THNSL2: variants seen among roughly 807,000 people sequenced by gnomAD.
THNSL2 encodes threonine synthase like 2.
THNSL2 carries 34 observed loss-of-function variants against 40.0 expected under a neutral mutation model. That is an observed-to-expected ratio of 0.85 (90% CI 0.65 to 1.13). THNSL2 has a LOEUF of 1.13. THNSL2 is among the 50% of genes most tolerant of loss of function. The pLI is 0.00. For synonymous variants in THNSL2, 241 were observed against 247.5 expected, an observed-to-expected ratio of 0.97 and a Z score of 0.25; for missense variants, 537 against 608.8, an observed-to-expected ratio of 0.88 and a Z score of 1.24.
chr2:88,170,691 C>T (rs1194360233), intron 1 of THNSL2, among the ~76,000 whole-genome samples: 2 of 151,912 alleles, frequency 1.3e-5, no homozygotes, highest in Non-Finnish European at 2.9e-5. Flanking sequence ...TTGAGAACCC[C>T]GAAACTGAAG....
rs778269285 is a variant in THNSL2 at position 88,178,796 on chromosome 2, C to A, written c.585C>A (p.Ser195Arg). 2 of 1,613,984 alleles carry A rather than the reference C, an allele frequency of 1.2e-6. No homozygotes were observed. Among genetic ancestry groups the A allele is most frequent in the Non-Finnish European group, 1.7e-6 (2 of 1,180,030 alleles). The stretch of plus-strand genomic sequence containing the variant: ...CCCCCCTGGCAGTGGAGGGAAACAG[C>A]GATGAGCTCGATGAGCCGATCAAGA... ...NVHVFGVEGN[S>R]DELDEPIKTV... Residue 195 changes from serine to arginine, a missense_variant, in exon 5 of 9, where the codon AGC becomes AGA. By Grantham distance (110) the Ser-to-Arg change is moderately radical. Coordinates refer to ENST00000674334, the MANE Select transcript of THNSL2 (RefSeq NM_018271.5).
rs545602278 is a variant in THNSL2, at chr2:88,173,229, G to A, written c.79G>A (p.Gly27Arg). ...GALFSGYAPDGGLFMPEELPQ... is the reference protein window; with the variant it reads ...GALFSGYAPDRGLFMPEELPQ... The stretch of plus-strand genomic sequence containing the variant: ...CCTCTTCTCTGGCTATGCACCTGAC[G>A]GGGGCCTCTTTATGCCTGAAGAGCT... Residue 27 changes from glycine (G) to arginine (R), a missense_variant, in exon 2 of 9, where the codon GGG becomes AGG. Coordinates refer to ENST00000674334, the MANE Select transcript of THNSL2 (RefSeq NM_018271.5). 2.4e-5 allele frequency: 38 copies of A among 1,610,940 alleles called. No individual in the cohort carries two copies. Among genetic ancestry groups the A allele is most frequent in the South Asian group, 1.2e-4 (11 of 90,886 alleles).
At position 88,182,822 on chromosome 2, in the gene THNSL2, C is replaced by A; in HGVS notation, c.926C>A (p.Thr309Asn). The A allele has an allele frequency of 6.2e-7, 1 of 1,614,116 alleles. No homozygotes were observed. Residue 309 changes from threonine (T) to asparagine (N), a missense_variant, in exon 6 of 9, where the codon ACC becomes AAC. Transcript: ENST00000674334. ...DFSLSEAVKS[T>N]LASAMDIQVP... Reference sequence around the variant, plus strand: ...TCTCTCTCTGAGGCTGTTAAATCAACCTTGGCATCAGCTATGGACATTCAG... The same window carrying A: ...TCTCTCTCTGAGGCTGTTAAATCAAACTTGGCATCAGCTATGGACATTCAG...
Position 88,175,241 on chromosome 2 carries a change from C to A in THNSL2, c.419-8C>A. Reference sequence around the variant, plus strand: ...AAAGGGGGAGAGTTCTCCTTTCTTCCCATCCAGGAACATCTGGGGACACAG... The same window carrying A: ...AAAGGGGGAGAGTTCTCCTTTCTTCACATCCAGGAACATCTGGGGACACAG... On this transcript the variant is annotated splice_polypyrimidine_tract_variant and splice_region_variant and intron_variant, in intron 3 of 8. Transcript: ENST00000674334. The A allele has an allele frequency of 6.2e-7, 1 of 1,612,786 alleles. No individual in the cohort carries two copies. Among genetic ancestry groups the A allele is most frequent in the Non-Finnish European group, 8.5e-7 (1 of 1,179,226 alleles).
In THNSL2 at chr2:88,186,185, C is replaced by A; in HGVS notation, c.*62C>A. 1 of 1,462,240 alleles carries A rather than the reference C, an allele frequency of 6.8e-7. No individual in the cohort carries two copies. Among genetic ancestry groups the A allele is most frequent in the Non-Finnish European group, 9.4e-7 (1 of 1,067,838 alleles). 90.6% of individuals were successfully genotyped at this position (1,462,240 alleles called of 1,614,324 possible). ...CAGGAAGATGCACCTTCTGAGCTGC[C>A]TTGTGCACCCTCCCCATTAAGCGTA... On this transcript the variant is annotated 3_prime_UTR_variant, in exon 9 of 9. Coordinates refer to ENST00000674334, the MANE Select transcript of THNSL2 (RefSeq NM_018271.5).
intron 1 of THNSL2, chr2:88,171,181 C>G: frequency 2.4e-6 from 1 of 417,818 alleles, no homozygotes; most frequent in African/African-American, 2.0e-5. Flanking sequence ...GTTGCTATTT[C>G]CGCCTCTGGC....
chr2:88,175,469 G>A, intron 4 of THNSL2, 68 bp downstream of exon 4: 1 of 1,577,276 alleles, frequency 6.3e-7, no homozygotes. Context: ...TTTGGGAGAT[G>A]GACTGGAACA....
In THNSL2 at chr2:88,186,289, C is replaced by A; in HGVS notation, c.*166C>A. 1 of 695,470 alleles carries A rather than the reference C, an allele frequency of 1.4e-6. No individual in the cohort carries two copies. The highest frequency in any genetic ancestry group is 2.4e-6 in the Non-Finnish European group (1 of 413,128). 43.1% of individuals were successfully genotyped at this position (695,470 alleles called of 1,614,324 possible). Reference sequence around the variant, plus strand: ...GCTCCGTTCCCTGGCTAGTCTGTGCCTGGTCACCAGGGAGGCTGAGTGAGG... The same window carrying A: ...GCTCCGTTCCCTGGCTAGTCTGTGCATGGTCACCAGGGAGGCTGAGTGAGG... On this transcript the variant is annotated 3_prime_UTR_variant, in exon 9 of 9. Coordinates refer to ENST00000674334, the MANE Select transcript of THNSL2 (RefSeq NM_018271.5).
chr2:88,183,091 C>T lies in THNSL2; in HGVS notation c.1077+18C>T, dbSNP rs1290947719. On this transcript the variant is annotated intron_variant, in intron 7 of 8. Coordinates refer to ENST00000674334, the MANE Select transcript of THNSL2 (RefSeq NM_018271.5). The stretch of plus-strand genomic sequence containing the variant: ...ACAGCAAGGTCAGTCACTACCCACA[C>T]ACCACAGAGAAAGGAAAGGGTACAG... 6.2e-7 allele frequency: 1 copy of T among 1,608,754 alleles called. No homozygotes were observed. The highest frequency in any genetic ancestry group is 8.5e-7 in the Non-Finnish European group (1 of 1,176,944).
In THNSL2 at chr2:88,175,349, T is replaced by G. The variant is rs767683223; in HGVS notation, c.519T>G (p.Ile173Met). 3 of 1,614,006 alleles carry G rather than the reference T, an allele frequency of 1.9e-6. No individual in the cohort carries two copies. Among genetic ancestry groups the G allele is most frequent in the African/African-American group, 1.3e-5 (1 of 74,910 alleles). The change falls in exon 4 of 9, where the codon ATT becomes ATG. Residue 173 changes from isoleucine to methionine, a missense_variant. Transcript: ENST00000674334. ...TGCCCAAAGGTCACTGCACAAAGAT[T>G]CAGGAGCTCCAGATGACAACGGTGC... ...VLLPKGHCTKIQELQMTTVLK... is the reference protein window; with the variant it reads ...VLLPKGHCTKMQELQMTTVLK...
At position 88,185,495 on chromosome 2, in the gene THNSL2, G is replaced by T. The variant is rs756147975; in HGVS notation, c.1229+16G>T. 2.5e-6 allele frequency: 4 copies of T among 1,595,614 alleles called. No homozygotes were observed. The African/African-American group carries it at 4.0e-5, about 16-fold the overall frequency. On this transcript the variant is annotated intron_variant, in intron 8 of 8. Coordinates refer to ENST00000674334, the MANE Select transcript of THNSL2 (RefSeq NM_018271.5). Reference sequence around the variant, plus strand: ...AGCAGCCCAGGTACAGGCAATGGGGGCCTGGGCCACTGAGGGACCATTTGA... The same window carrying T: ...AGCAGCCCAGGTACAGGCAATGGGGTCCTGGGCCACTGAGGGACCATTTGA...
chr2:88,185,122 C>T (rs1678123652), intron 7 of THNSL2, among the ~76,000 whole-genome samples: 1 of 152,216 alleles, frequency 6.6e-6, no homozygotes, highest in Admixed American at 6.5e-5. Context: ...TGACATAAAA[C>T]TCAAACGTAT....
chr2:88,178,594 C>A (rs1677185182), intron 4 of THNSL2, among the ~76,000 whole-genome samples, 189 bp from the exon 5 acceptor site: 1 of 152,186 alleles, frequency 6.6e-6, no homozygotes, highest in Non-Finnish European at 1.5e-5. Context: ...GGCATGATTT[C>A]TGTCCTTGAG....
At chr2:88,172,058 T>C (rs1299509368) in intron 1 of THNSL2, 2 of 152,282 alleles carry the variant, frequency 1.3e-5, no homozygotes, top group African/African-American at 4.8e-5. Context: ...GCTTTGCCCT[T>C]AGAGGGCAGG....
chr2:88,170,471 C>T lies in THNSL2; in HGVS notation c.-13+15C>T, dbSNP rs1244819461. 6.6e-6 allele frequency: 1 copy of T among 151,858 alleles called. No homozygotes were observed. Among genetic ancestry groups the T allele is most frequent in the African/African-American group, 2.5e-5 (1 of 40,800 alleles). 9.4% of individuals were successfully genotyped at this position (151,858 alleles called of 1,614,324 possible). ...GCCCCGCACCGGTAACGCGCGCCAA[C>T]CTCGCCGCCCTCCCGGGGTCGTCGC... On this transcript the variant is annotated intron_variant, in intron 1 of 8. Coordinates refer to ENST00000674334, the MANE Select transcript of THNSL2 (RefSeq NM_018271.5).
At chr2:88,179,912 C>T (rs1410852663) in intron 5 of THNSL2, among the ~76,000 whole-genome samples, 2 of 152,170 alleles carry the variant, frequency 1.3e-5, no homozygotes, top group African/African-American at 2.4e-5. Flanking sequence ...CTGATAGTTC[C>T]GGCAATGGCA....
In THNSL2 at chr2:88,185,433, G is replaced by A. The variant is rs1357351130; in HGVS notation, c.1183G>A (p.Val395Met). The A allele has an allele frequency of 1.9e-6, 3 of 1,613,724 alleles. No individual in the cohort carries two copies. Among genetic ancestry groups the A allele is most frequent in the African/African-American group, 2.7e-5 (2 of 74,912 alleles). ...NQYLLCPHSA[V>M]AVNYHYQQID... ...GTACTTGCTGTGCCCCCACTCAGCG[G>A]TGGCCGTGAACTACCATTACCAGCA... is the stretch of plus-strand genomic sequence containing the variant. The change falls in exon 8 of 9, where the codon GTG becomes ATG. Residue 395 changes from valine (V) to methionine (M), a missense_variant. Val to Met is a conservative substitution (Grantham distance 21). Coordinates refer to ENST00000674334, the MANE Select transcript of THNSL2 (RefSeq NM_018271.5).
intron 5 of THNSL2, among the ~76,000 whole-genome samples, chr2:88,181,043 A>T (rs1677486748): frequency 6.6e-6 from 1 of 151,778 alleles, no homozygotes; most frequent in African/African-American, 2.4e-5. Context: ...GTTGACACAT[A>T]AAACAGCCTC....
intron 2 of THNSL2, among the ~76,000 whole-genome samples, chr2:88,174,089 G>A (rs1434305219): frequency 6.6e-6 from 1 of 152,196 alleles, no homozygotes; most frequent in East Asian, 1.9e-4. Context: ...GCCTCAGACT[G>A]ATTGAACCAG....
Sources: gnomAD v4.1 joint callset for allele counts (sites outside exome capture counted in the v4.1 genomes callset) on GRCh38, gnomAD v4.1.1 for gene constraint, MANE v1.5 for transcripts, NCBI Gene and HGNC (gene_info 2026-07-23, HGNC 2026-07-21) for gene names.